The following AKAP12 variants were observed in gnomAD, a reference collection of about 807,000 sequenced individuals.
The protein encoded by AKAP12 is A-kinase anchor protein 12.
Under a neutral mutation model 79.9 loss-of-function variants are expected in AKAP12, and 32 were observed. That is an observed-to-expected ratio of 0.40 (90% CI 0.30 to 0.54). The LOEUF (loss-of-function observed/expected upper bound fraction) is 0.54, where lower values mean the gene tolerates loss of function less well. Ranked by LOEUF, AKAP12 falls within the 20% of genes least tolerant of loss-of-function variation. AKAP12 has a pLI of 0.48. For synonymous variants in AKAP12, 808 were observed against 857.0 expected (o/e 0.94, Z 1.00); for missense variants, 2,074 against 2,177.0 (o/e 0.95, Z 0.94).
At chr6:151,283,876 C>T (rs939356560) in intron 2 of AKAP12, among the ~76,000 whole-genome samples, 4 of 152,170 alleles carry the variant, frequency 2.6e-5, no homozygotes, top group African/African-American at 4.8e-5. Flanking sequence ...CATTTCACAT[C>T]GACCCATTCT....
rs79554386 is a variant in AKAP12 at position 151,247,030 on chromosome 6, T to C, written c.162+6306T>C. On this transcript the variant is annotated intron_variant, in intron 2 of 4. Coordinates refer to ENST00000402676, the MANE Select transcript of AKAP12 (RefSeq NM_005100.4). ...CTGGTCTGGACCTCCTGGACTGAAG[T>C]GATCCTCCCACCTCTGCCTCCCAAA... Among the ~76,000 whole-genome samples the C allele has an allele frequency of 4.6e-3, 693 of 152,210 alleles. 11 individuals carry two copies. Among genetic ancestry groups the C allele is most frequent in the East Asian group, 0.031 (161 of 5,120 alleles).
intron 2 of AKAP12, among the ~76,000 whole-genome samples, chr6:151,285,591 T>TA (rs967359463): frequency 4.6e-4 from 68 of 147,156 alleles, no homozygotes; most frequent in East Asian, 9.9e-4. Flanking sequence ...TGTCTTGGGT[T>TA]AAAAAAAAAA....
chr6:151,332,041 T>TGTTTTG (rs1562743258), intron 3 of AKAP12, among the ~76,000 whole-genome samples: 1 of 140,368 alleles, frequency 7.1e-6, no homozygotes, highest in South Asian at 2.4e-4. Context: ...CTGTTTTTTT[T>TGTTTTG]TTTTTTTTTT....
At chr6:151,324,416 C>T in intron 3 of AKAP12, 1 of 985,374 alleles carries the variant, frequency 1.0e-6, no homozygotes, top group Non-Finnish European at 1.2e-6. Context: ...TGCATCGCGC[C>T]CCCTGGTGCC....
chr6:151,267,645 A>T (rs1776076861), intron 2 of AKAP12, among the ~76,000 whole-genome samples: 1 of 152,222 alleles, frequency 6.6e-6, no homozygotes, highest in East Asian at 1.9e-4. Flanking sequence ...AGATATGTAG[A>T]ACAAACAACA....
intron 2 of AKAP12, among the ~76,000 whole-genome samples, chr6:151,291,252 AC>A (rs1038472687): frequency 1.2e-4 from 18 of 152,102 alleles, no homozygotes; most frequent in African/African-American, 4.3e-4. Context: ...TTAGGATATA[AC>A]CACAACAACA....
At chr6:151,296,410 T>C (rs1323135008) in intron 2 of AKAP12, among the ~76,000 whole-genome samples, 2 of 152,246 alleles carry the variant, frequency 1.3e-5, no homozygotes, top group African/African-American at 4.8e-5. Flanking sequence ...TTAAATCTTT[T>C]TTTAAATTCA....
chr6:151,332,831 G>C (rs1777710709), intron 3 of AKAP12, among the ~76,000 whole-genome samples: 1 of 152,174 alleles, frequency 6.6e-6, no homozygotes, highest in Non-Finnish European at 1.5e-5. Flanking sequence ...TGACCTAGTG[G>C]GATGCTGGAA....
intron 3 of AKAP12, among the ~76,000 whole-genome samples, chr6:151,336,351 T>A (rs146189944): frequency 1.3e-5 from 2 of 152,232 alleles, no homozygotes; most frequent in Non-Finnish European, 2.9e-5. Context: ...CATATTGTTT[T>A]CTATAGCTCT....
chr6:151,298,657 G>A (rs7762046), intron 2 of AKAP12, among the ~76,000 whole-genome samples: 22,146 of 151,950 alleles, frequency 0.15, 1,865 homozygotes, highest in Middle Eastern at 0.23. Flanking sequence ...TTAGCCAGGC[G>A]TGGTGGCACT....
intron 2 of AKAP12, among the ~76,000 whole-genome samples, chr6:151,249,143 C>T (rs1043603119): frequency 6.6e-6 from 1 of 152,166 alleles, no homozygotes; most frequent in African/African-American, 2.4e-5. Flanking sequence ...AAGCCCTCTT[C>T]CCTTATTTAT....
At chr6:151,318,539 T>C (rs1211823158) in intron 3 of AKAP12, among the ~76,000 whole-genome samples, 1 of 152,212 alleles carries the variant, frequency 6.6e-6, no homozygotes, top group Non-Finnish European at 1.5e-5. Flanking sequence ...GCTCATGGAC[T>C]CCTTTTGGTC....
chr6:151,324,574 A>G, intron 3 of AKAP12: 1 of 985,364 alleles, frequency 1.0e-6, no homozygotes. Flanking sequence ...CCCAAGCAAT[A>G]ATGAACAAGA....
intron 3 of AKAP12, among the ~76,000 whole-genome samples, chr6:151,330,560 G>A (rs965829058): frequency 6.6e-6 from 1 of 152,140 alleles, no homozygotes; most frequent in South Asian, 2.1e-4. Flanking sequence ...TGTGCCTGGG[G>A]ATGGGGAGCA....
At position 151,353,285 on chromosome 6, in the gene AKAP12, A is replaced by G. The variant is rs757956947; in HGVS notation, c.4894A>G (p.Lys1632Glu). The G allele has an allele frequency of 6.2e-6, 10 of 1,614,186 alleles. No homozygotes were observed. In the South Asian group the frequency reaches 8.8e-5, roughly 14 times the overall value. Residue 1632 changes from lysine (K) to glutamate (E), a missense_variant, in exon 4 of 5, where the codon AAA (lysine) becomes GAA (glutamate). Physicochemically the swap from Lys to Glu is moderately conservative, Grantham distance 56. Coordinates refer to ENST00000402676, the MANE Select transcript of AKAP12 (RefSeq NM_005100.4). Reference sequence around the variant, plus strand: ...GGGACAAGCACATTCTGATATTTCCAAAGACATGAGTGAAGCCTCAGAAAA... The same window carrying G: ...GGGACAAGCACATTCTGATATTTCCGAAGACATGAGTGAAGCCTCAGAAAA... ...AVGQAHSDIS[K>E]DMSEASEKTM...
At chr6:151,325,330 G>A (rs753224623) in intron 3 of AKAP12, 12 of 985,306 alleles carry the variant, frequency 1.2e-5, no homozygotes, top group Non-Finnish European at 1.3e-5. Flanking sequence ...TCCTTGAAAT[G>A]ACTTAAAAAG....
rs796541170 is a variant in AKAP12, at chr6:151,353,410, G to A, written c.5019G>A (p.Lys1673=). 1.2e-6 allele frequency: 2 copies of A among 1,614,232 alleles called. No individual in the cohort carries two copies. The highest frequency in any genetic ancestry group is 2.7e-5 in the African/African-American group (2 of 75,068). Residue 1673 remains lysine (K), a synonymous_variant, in exon 4 of 5, where the codon AAG becomes AAA. Transcript: ENST00000402676. ...AAGAGGGAGGTGGAGCTGGAACAAA[G>A]TCTGTGCCAGAAGATGATGGTCATG... The part of the protein sequence containing the change: ...SEEEGGGAGT[K]SVPEDDGHAL...
intron 2 of AKAP12, among the ~76,000 whole-genome samples, chr6:151,250,982 CT>C (rs1797163055): frequency 6.6e-6 from 1 of 152,178 alleles, no homozygotes; most frequent in Non-Finnish European, 1.5e-5. Flanking sequence ...AAACATTACC[CT>C]TGAACACCTC....
chr6:151,242,370 T>G (rs1371797171), intron 2 of AKAP12, among the ~76,000 whole-genome samples: 1 of 152,206 alleles, frequency 6.6e-6, no homozygotes, highest in East Asian at 1.9e-4. Context: ...ACCTTATCCT[T>G]TTCCTCTTTC....
Sources: gnomAD v4.1 joint callset for allele counts (sites outside exome capture counted in the v4.1 genomes callset) on GRCh38, gnomAD v4.1.1 for gene constraint, MANE v1.5 for transcripts, NCBI Gene and HGNC (gene_info 2026-07-23, HGNC 2026-07-21) for gene names.